The following RAB22A variants were observed in gnomAD, a reference collection of about 807,000 sequenced individuals.
RAB22A encodes the protein RAB22A, member RAS oncogene family.
Under a neutral mutation model 30.2 loss-of-function variants are expected in RAB22A, and 13 were observed. That is an observed-to-expected ratio of 0.43 (90% confidence interval 0.28 to 0.68). The LOEUF is 0.68. RAB22A is among the 30% of genes least tolerant of loss of function. The probability of loss-of-function intolerance (pLI) is 0.18; values close to 1 mark genes in which losing one functional copy is unlikely to be tolerated. For synonymous variants in RAB22A, 89 were observed against 87.2 expected, an observed-to-expected ratio of 1.02 and a Z score of -0.11; for missense variants, 177 against 246.8, an observed-to-expected ratio of 0.72 and a Z score of 1.89.
At chr20:58,310,109 G>A in intron 1 of RAB22A, 97 bp downstream of exon 1, 1 of 945,648 alleles carries the variant, frequency 1.1e-6, no homozygotes, top group Non-Finnish European at 1.2e-6. Context: ...CCCCTCCCAC[G>A]TCCAAGACGC....
intron 3 of RAB22A, among the ~76,000 whole-genome samples, chr20:58,349,422 G>T (rs1337133262): frequency 6.6e-6 from 1 of 152,206 alleles, no homozygotes; most frequent in Non-Finnish European, 1.5e-5. Context: ...GCAGAAAAGG[G>T]ATTCAACAAG....
At chr20:58,338,923 A>C (rs1385830126) in intron 2 of RAB22A, among the ~76,000 whole-genome samples, 1 of 152,172 alleles carries the variant, frequency 6.6e-6, no homozygotes, top group Non-Finnish European at 1.5e-5. Flanking sequence ...AATGTGCTGG[A>C]TTGTTCATCC....
At position 58,330,530 on chromosome 20, in the gene RAB22A, C is replaced by G. The variant is rs575993363; in HGVS notation, c.117-13188C>G. On this transcript the variant is annotated intron_variant, in intron 2 of 6. Coordinates refer to ENST00000244040, the MANE Select transcript of RAB22A (RefSeq NM_020673.3). The stretch of plus-strand genomic sequence containing the variant: ...ATTGTACTGGACACTGCAGAAGATA[C>G]GCTGCAAAGATTTTAGATTTTCGTA... 1.6e-4 allele frequency among the ~76,000 whole-genome samples: 25 copies of G among 151,980 alleles called. No individual in the cohort carries two copies. In the East Asian group the frequency reaches 3.9e-3, roughly 23 times the overall value.
chr20:58,344,006 T>C (rs893060824), intron 3 of RAB22A, among the ~76,000 whole-genome samples: 1 of 152,232 alleles, frequency 6.6e-6, no homozygotes, highest in Non-Finnish European at 1.5e-5. Context: ...TAATGGGCAC[T>C]GAGGGCATTT....
rs1163414109 is a variant in RAB22A, at chr20:58,353,424, T to A, written c.271-8T>A. 1.2e-6 allele frequency: 2 copies of A among 1,611,342 alleles called. No individual in the cohort carries two copies. The highest frequency in any genetic ancestry group is 1.7e-6 in the Non-Finnish European group (2 of 1,177,494). On this transcript the variant is annotated splice_polypyrimidine_tract_variant and splice_region_variant and intron_variant, in intron 4 of 6. Transcript: ENST00000244040. ...ATCTCCAGTTGCTCTCTTTTTTGTG[T>A]GTTACAGGAGACATTTTCAACATTA... is the stretch of plus-strand genomic sequence containing the variant.
chr20:58,354,731 A>G (rs1987105384), intron 6 of RAB22A, among the ~76,000 whole-genome samples: 1 of 152,090 alleles, frequency 6.6e-6, no homozygotes, highest in South Asian at 2.1e-4. Context: ...TCGATGGGAG[A>G]GGGGCTGCTG....
chr20:58,353,184 T>C, intron 3 of RAB22A, 89 bp from the exon 4 acceptor site: 1 of 1,188,380 alleles, frequency 8.4e-7, no homozygotes. Context: ...AGATTACTTT[T>C]TGTGCAGGGA....
chr20:58,337,508 C>T (rs1440191465), intron 2 of RAB22A, among the ~76,000 whole-genome samples: 1 of 152,142 alleles, frequency 6.6e-6, no homozygotes, highest in Non-Finnish European at 1.5e-5. Flanking sequence ...ATGCCATCAC[C>T]ATTCTCCTGC....
rs758012174 is a variant in RAB22A at position 58,353,364 on chromosome 20, T to C, written c.270+20T>C. 1 of 1,610,806 alleles carries C rather than the reference T, an allele frequency of 6.2e-7. No homozygotes were observed. The highest frequency in any genetic ancestry group is 1.1e-5 in the South Asian group (1 of 90,712). On this transcript the variant is annotated intron_variant, in intron 4 of 6. Coordinates refer to ENST00000244040, the MANE Select transcript of RAB22A (RefSeq NM_020673.3). Reference sequence around the variant, plus strand: ...AAAGAAGTAAGACTATATAGTTTTCTTTAGATTGTTTTGAAAACTCTTTTG... The same window carrying C: ...AAAGAAGTAAGACTATATAGTTTTCCTTAGATTGTTTTGAAAACTCTTTTG...
In RAB22A at chr20:58,362,247, CTTATT is replaced by C. The variant is rs1229744931; in HGVS notation, c.*2551_*2555del. On this transcript the variant is annotated 3_prime_UTR_variant, in exon 7 of 7. Coordinates refer to ENST00000244040, the MANE Select transcript of RAB22A (RefSeq NM_020673.3). ...TGAAAGCAGGGAAAAAATATTTTCA[CTTATT>C]TTATTTGCTTCTAAAATGCAAAGAT... The C allele has an allele frequency of 1.3e-5, 2 of 152,182 alleles. No homozygotes were observed. The highest frequency in any genetic ancestry group is 4.8e-5 in the African/African-American group (2 of 41,438). The allele number at this position is 152,182 out of a possible 1,614,324, so 9.4% of individuals were successfully genotyped here.
At chr20:58,322,647 T>C (rs1986483048) in intron 2 of RAB22A, among the ~76,000 whole-genome samples, 3 of 152,264 alleles carry the variant, frequency 2.0e-5, no homozygotes, top group Admixed American at 2.0e-4. Context: ...TATCCTTCTT[T>C]GATATATCAG....
chr20:58,334,160 G>T (rs62205886), intron 2 of RAB22A, among the ~76,000 whole-genome samples: 4,201 of 151,958 alleles, frequency 0.028, 100 homozygotes, highest in East Asian at 0.13. Context: ...GTGAAACCGC[G>T]TCTCTACTAA....
intron 3 of RAB22A, chr20:58,346,070 C>A (rs1986940311): frequency 6.6e-6 from 1 of 152,304 alleles, no homozygotes; most frequent in African/African-American, 2.4e-5. Context: ...GTGCTGGACA[C>A]CTTCTCCACC....
intron 4 of RAB22A, 43 bp downstream of exon 4, chr20:58,353,387 T>TAGA: frequency 6.2e-7 from 1 of 1,609,416 alleles, no homozygotes; most frequent in Non-Finnish European, 8.5e-7. Flanking sequence ...GAAAACTCTT[T>TAGA]TGGTTGCTTA....
chr20:58,349,698 T>G (rs1987012460), intron 3 of RAB22A, among the ~76,000 whole-genome samples: 1 of 152,182 alleles, frequency 6.6e-6, no homozygotes, highest in Non-Finnish European at 1.5e-5. Flanking sequence ...GTAGAAACCG[T>G]GTCCTAGGAC....
chr20:58,321,205 A>T (rs1407429856), intron 2 of RAB22A, among the ~76,000 whole-genome samples: 1 of 151,774 alleles, frequency 6.6e-6, no homozygotes, highest in Non-Finnish European at 1.5e-5. Flanking sequence ...AAAAAAAAAA[A>T]ATACAAAAAT....
chr20:58,353,291 A>G lies in RAB22A; in HGVS notation c.217A>G (p.Met73Val). Reference sequence around the variant, plus strand: ...TCTGCAGTTTCGTGCCTTAGCACCAATGTACTATCGAGGGTCGGCTGCAGC... The same window carrying G: ...TCTGCAGTTTCGTGCCTTAGCACCAGTGTACTATCGAGGGTCGGCTGCAGC... ...GQERFRALAP[M>V]YYRGSAAAII... is the part of the protein sequence containing the mutation. The change falls in exon 4 of 7, where the codon ATG becomes GTG. Residue 73 changes from methionine (M) to valine (V), a missense_variant. By Grantham distance (21) the Met-to-Val change is conservative. Transcript: ENST00000244040. The G allele has an allele frequency of 6.2e-7, 1 of 1,614,114 alleles. No individual in the cohort carries two copies. Among genetic ancestry groups the G allele is most frequent in the Non-Finnish European group, 8.5e-7 (1 of 1,179,994 alleles).
At chr20:58,313,345 C>T (rs1443379945) in intron 2 of RAB22A, among the ~76,000 whole-genome samples, 1 of 152,056 alleles carries the variant, frequency 6.6e-6, no homozygotes, top group Non-Finnish European at 1.5e-5. Context: ...TTTCTTTTTC[C>T]TCAGTTTTAG....
rs201220148 is a variant in RAB22A at position 58,359,609 on chromosome 20, G to A, written c.491G>A (p.Arg164Gln). ...CCCTTTTCTCATCTTGGTTTAGGTC[G>A]AAGAATTCCATCCACTGACGCCAAC... ...NINELFIEIS[R>Q]RIPSTDANLP... is the part of the protein sequence containing the mutation. Residue 164 changes from arginine (R) to glutamine (Q), a missense_variant, in exon 7 of 7, where the codon CGA becomes CAA. Transcript: ENST00000244040. 3.5e-4 allele frequency: 558 copies of A among 1,603,722 alleles called. 6 individuals are homozygous for A. In the South Asian group the frequency reaches 5.7e-3, roughly 17 times the overall value.
Sources: allele counts gnomAD v4.1 joint callset (sites outside exome capture counted in the v4.1 genomes callset), GRCh38; gene constraint gnomAD v4.1.1; transcripts MANE v1.5; gene names NCBI Gene and HGNC (gene_info 2026-07-23, HGNC 2026-07-21).